The following FANCC variants were observed in gnomAD, a reference collection of about 807,000 sequenced individuals.
FANCC encodes Fanconi anemia group C protein.
In FANCC, 55 loss-of-function variants were observed where a neutral mutation model predicts 71.3. The observed-to-expected ratio is 0.77, with a 90% CI of 0.62 to 0.97. The LOEUF (loss-of-function observed/expected upper bound fraction) is 0.97, where lower values mean the gene tolerates loss of function less well. FANCC is among the 50% of genes least tolerant of loss of function. The pLI is 0.00. For synonymous variants in FANCC, 275 were observed against 244.9 expected (o/e 1.12, Z -1.15); for missense variants, 678 against 670.9 (o/e 1.01, Z -0.12).
chr9:95,147,612 T>A (rs1445899414), intron 7 of FANCC, among the ~76,000 whole-genome samples: 1 of 152,202 alleles, frequency 6.6e-6, no homozygotes, highest in African/African-American at 2.4e-5. Flanking sequence ...TGGGCTAAAC[T>A]GTAAATAAAG....
chr9:95,237,370 A>G (rs1194061069), intron 4 of FANCC, among the ~76,000 whole-genome samples: 2 of 152,178 alleles, frequency 1.3e-5, no homozygotes, highest in Non-Finnish European at 2.9e-5. Context: ...GAAGTTTATT[A>G]TCTCTGCTTC....
chr9:95,258,352 G>A (rs1012388105), intron 1 of FANCC, among the ~76,000 whole-genome samples: 7 of 152,072 alleles, frequency 4.6e-5, no homozygotes, highest in African/African-American at 1.7e-4. Context: ...CAATCAAGTC[G>A]GCTTCATCCC....
intron 1 of FANCC, among the ~76,000 whole-genome samples, chr9:95,269,227 A>AC (rs1832582599): frequency 6.6e-6 from 1 of 152,104 alleles, no homozygotes; most frequent in Non-Finnish European, 1.5e-5. Context: ...CTCTTCCCCT[A>AC]CCTGTTTTCC....
chr9:95,283,171 C>G (rs1044171379), intron 1 of FANCC, among the ~76,000 whole-genome samples: 2 of 152,332 alleles, frequency 1.3e-5, no homozygotes, highest in Admixed American at 1.3e-4. Flanking sequence ...CAGCCTCAAA[C>G]TCGTGGGCTC....
chr9:95,262,449 C>T (rs755610613), intron 1 of FANCC, among the ~76,000 whole-genome samples: 5 of 152,156 alleles, frequency 3.3e-5, no homozygotes, highest in Non-Finnish European at 7.3e-5. Context: ...TCACTTAGAA[C>T]GGCTACTATC....
At chr9:95,282,161 A>G (rs1308186534) in intron 1 of FANCC, among the ~76,000 whole-genome samples, 2 of 152,068 alleles carry the variant, frequency 1.3e-5, no homozygotes, top group African/African-American at 2.4e-5. Context: ...ACTGCCTACA[A>G]AAGACTTGCC....
intron 4 of FANCC, among the ~76,000 whole-genome samples, chr9:95,181,010 A>G (rs1279749751): frequency 6.6e-6 from 1 of 152,124 alleles, no homozygotes; most frequent in African/African-American, 2.4e-5. Flanking sequence ...ACTTTAACAT[A>G]TAATGTCCTG....
intron 1 of FANCC, among the ~76,000 whole-genome samples, chr9:95,284,246 C>T (rs1833539480): frequency 1.3e-5 from 2 of 152,148 alleles, no homozygotes; most frequent in Admixed American, 6.5e-5. Context: ...CATCACACAG[C>T]CTGAAAGCCC....
chr9:95,110,194 A>G (rs2071798245), intron 13 of FANCC: 1 of 951,940 alleles, frequency 1.1e-6, no homozygotes, highest in Non-Finnish European at 1.3e-6. Flanking sequence ...GTTAGCTAGT[A>G]GAAGATGTGC....
intron 14 of FANCC, among the ~76,000 whole-genome samples, chr9:95,102,520 T>C (rs186125697): frequency 4.9e-4 from 74 of 152,364 alleles, no homozygotes; most frequent in Admixed American, 1.8e-3. Flanking sequence ...GCACAAGCAG[T>C]ATTAAGAAGG....
chr9:95,242,180 C>A (rs1830670042), intron 3 of FANCC, among the ~76,000 whole-genome samples: 1 of 151,978 alleles, frequency 6.6e-6, no homozygotes, highest in Admixed American at 6.6e-5. Flanking sequence ...ATTTTTTTCC[C>A]CTAGCTTTTA....
chr9:95,174,896 T>C (rs772711074), intron 4 of FANCC, among the ~76,000 whole-genome samples: 6 of 152,160 alleles, frequency 3.9e-5, no homozygotes, highest in Non-Finnish European at 8.8e-5. Context: ...ATTATCACGG[T>C]GGTCATTTCA....
At chr9:95,195,698 GAGA>G (rs1309401951) in intron 4 of FANCC, among the ~76,000 whole-genome samples, 5 of 152,172 alleles carry the variant, frequency 3.3e-5, no homozygotes, top group African/African-American at 1.2e-4. Context: ...AGATCAATTT[GAGA>G]AGAACTGACA....
At chr9:95,165,022 T>C (rs920570995) in intron 6 of FANCC, among the ~76,000 whole-genome samples, 13 of 151,664 alleles carry the variant, frequency 8.6e-5, no homozygotes, top group Non-Finnish European at 1.9e-4. Context: ...GTAGGCTGTA[T>C]ATTTTTAGAC....
At chr9:95,149,075 T>C (rs1355742463) in intron 7 of FANCC, among the ~76,000 whole-genome samples, 1 of 150,338 alleles carries the variant, frequency 6.7e-6, no homozygotes, top group Non-Finnish European at 1.5e-5. Flanking sequence ...TGTCAAACAT[T>C]TTTTTTTTTG....
chr9:95,263,773 T>C (rs1461904338), intron 1 of FANCC, among the ~76,000 whole-genome samples: 1 of 152,030 alleles, frequency 6.6e-6, no homozygotes, highest in African/African-American at 2.4e-5. Context: ...CCTAAAAGGG[T>C]CTCGGGGACC....
rs1277824132 is a variant in FANCC, at chr9:95,283,286, C to T, written c.-78-33917G>A. 4.6e-5 allele frequency among the ~76,000 whole-genome samples: 7 copies of T among 152,306 alleles called. No homozygotes were observed. In the East Asian group the frequency reaches 1.3e-3, roughly 29 times the overall value. On this transcript the variant is annotated intron_variant, in intron 1 of 14. Coordinates refer to ENST00000289081, the MANE Select transcript of FANCC (RefSeq NM_000136.3). ...TTAGTAAAGGTTGTTAGGCACCATACCATATCTGGCAATGACAAAAGGTGA... is the reference window on the plus strand; with the variant it reads ...TTAGTAAAGGTTGTTAGGCACCATATCATATCTGGCAATGACAAAAGGTGA...
chr9:95,265,382 G>A (rs1336796227), intron 1 of FANCC, among the ~76,000 whole-genome samples: 3 of 152,174 alleles, frequency 2.0e-5, no homozygotes, highest in African/African-American at 7.2e-5. Flanking sequence ...AATGGGGGGA[G>A]AGGAGCTATT....
intron 1 of FANCC, among the ~76,000 whole-genome samples, chr9:95,274,181 C>T (rs1185871282): frequency 2.6e-5 from 4 of 152,054 alleles, no homozygotes; most frequent in East Asian, 3.9e-4. Flanking sequence ...CCAAATCCCT[C>T]ACCCCCTGAC....
Sources: allele counts gnomAD v4.1 joint callset (sites outside exome capture counted in the v4.1 genomes callset), GRCh38; gene constraint gnomAD v4.1.1; transcripts MANE v1.5; gene names NCBI Gene and HGNC (gene_info 2026-07-23, HGNC 2026-07-21).